COL11A1: variants seen among roughly 807,000 people sequenced by gnomAD.
COL11A1 encodes collagen alpha-1(XI) chain.
In COL11A1, 74 loss-of-function variants were observed where a neutral mutation model predicts 265.2. The ratio of observed to expected loss-of-function variants is 0.28; its 90% CI spans 0.23 to 0.34. COL11A1 has a LOEUF of 0.34. Ranked by LOEUF, COL11A1 falls within the 10% of genes least tolerant of loss-of-function variation. COL11A1 has a pLI of 1.00. For missense variants in COL11A1, 2,165 were observed against 2,263.6 expected (o/e 0.96, Z 0.88); for synonymous variants, 816 against 727.6 (o/e 1.12, Z -1.96).
chr1:102,962,506 A>G, intron 39 of COL11A1, 147 bp downstream of exon 39: 1 of 803,462 alleles, frequency 1.2e-6, no homozygotes, highest in Non-Finnish European at 2.1e-6. Context: ...GTTGAGCAAT[A>G]TCTTGGAGTA....
chr1:102,992,971 A>AT (rs200032148), intron 28 of COL11A1, among the ~76,000 whole-genome samples: 7 of 150,946 alleles, frequency 4.6e-5, no homozygotes, highest in African/African-American at 1.2e-4. Context: ...AATGTATCTT[A>AT]TTTTTTTTTC....
In COL11A1 at chr1:102,886,965, T is replaced by C. The variant is rs756511227; in HGVS notation, c.4700A>G (p.Asp1567Gly). 1.4e-5 allele frequency: 23 copies of C among 1,613,832 alleles called. No homozygotes were observed. Among genetic ancestry groups the C allele is most frequent in the South Asian group, 3.3e-5 (3 of 91,090 alleles). The change falls in exon 63 of 67, where the codon GAT becomes GGT. Residue 1567 changes from aspartate (D) to glycine (G), a missense_variant. By Grantham distance (94) the Asp-to-Gly change is moderately conservative. Coordinates refer to ENST00000370096, the MANE Select transcript of COL11A1 (RefSeq NM_001854.4). ...HTEGMQADAD[D>G]NILDYSDGME... Reference sequence around the variant, plus strand: ...TCCATCCGAGTAATCAAGAATATTATCATCTGCATCTGCTTGCATGCCTTC... The same window carrying C: ...TCCATCCGAGTAATCAAGAATATTACCATCTGCATCTGCTTGCATGCCTTC...
chr1:103,090,017 C>T (rs1282064476), intron 1 of COL11A1, among the ~76,000 whole-genome samples: 5 of 151,888 alleles, frequency 3.3e-5, no homozygotes, highest in Non-Finnish European at 5.9e-5. Flanking sequence ...CCAGCTACTC[C>T]AAAGGCTGAG....
At chr1:102,919,341 A>G (rs1217692249) in intron 49 of COL11A1, among the ~76,000 whole-genome samples, 4 of 58,432 alleles carry the variant, frequency 6.8e-5, no homozygotes, top group Admixed American at 5.8e-4. Flanking sequence ...TCAAAATATA[A>G]TAACAATCTA....
At chr1:103,080,763 C>G (rs901374432) in intron 2 of COL11A1, among the ~76,000 whole-genome samples, 9 of 151,624 alleles carry the variant, frequency 5.9e-5, no homozygotes, top group African/African-American at 1.7e-4. Context: ...TAAAAAATTT[C>G]CTCAAAAAAT....
At chr1:102,987,590 A>G in intron 30 of COL11A1, 43 bp downstream of exon 30, 5 of 1,392,790 alleles carry the variant, frequency 3.6e-6, no homozygotes, top group Non-Finnish European at 5.1e-6. Context: ...ATAATGAAAC[A>G]TCAGCTGCAA....
At chr1:102,932,169 T>C (rs1003924702) in intron 46 of COL11A1, among the ~76,000 whole-genome samples, 6 of 152,148 alleles carry the variant, frequency 3.9e-5, no homozygotes, top group Non-Finnish European at 7.3e-5. Context: ...CGTTAGTTGA[T>C]GCACTTTCTT....
At chr1:103,008,158 T>C (rs892479742) in intron 15 of COL11A1, among the ~76,000 whole-genome samples, 11 of 152,042 alleles carry the variant, frequency 7.2e-5, no homozygotes, top group African/African-American at 2.7e-4. Flanking sequence ...TGGGAAAAAA[T>C]AAACTCTCTA....
Position 102,881,728 on chromosome 1 carries a change from C to A in COL11A1, c.5009G>T (p.Ser1670Ile), listed in dbSNP as rs1313374505. The change falls in exon 65 of 67, where the codon AGT (serine) becomes ATT (isoleucine). Residue 1670 changes from serine (S) to isoleucine (I), a missense_variant. Coordinates refer to ENST00000370096, the MANE Select transcript of COL11A1 (RefSeq NM_001854.4). ...TCCCCTCTTAAATTCACTAAACCAACTTCCTGGTTTCTCCTTTGGCCATGA... is the reference window on the plus strand; with the variant it reads ...TCCCCTCTTAAATTCACTAAACCAAATTCCTGGTTTCTCCTTTGGCCATGA... ...ISSWPKEKPG[S>I]WFSEFKRGKL... The A allele has an allele frequency of 6.2e-7, 1 of 1,612,646 alleles. No individual in the cohort carries two copies. The highest frequency in any genetic ancestry group is 8.5e-7 in the Non-Finnish European group (1 of 1,179,118).
At chr1:103,055,534 G>A (rs752293239) in intron 4 of COL11A1, among the ~76,000 whole-genome samples, 1 of 152,026 alleles carries the variant, frequency 6.6e-6, no homozygotes, top group Non-Finnish European at 1.5e-5. Flanking sequence ...AGAGCAAGGA[G>A]GATTCAGACT....
chr1:102,982,723 A>G lies in COL11A1; in HGVS notation c.2556+1415T>C, dbSNP rs575942516. Among the ~76,000 whole-genome samples, 3 of 152,200 alleles carry G rather than the reference A, an allele frequency of 2.0e-5. No homozygotes were observed. In the East Asian group the frequency reaches 5.8e-4, roughly 29 times the overall value. On this transcript the variant is annotated intron_variant, in intron 31 of 66. Coordinates refer to ENST00000370096, the MANE Select transcript of COL11A1 (RefSeq NM_001854.4). Reference sequence around the variant, plus strand: ...CAAGGAAGTATTTTTGGGGAAACTCAATGAAAAAATTGTAAGACAAAGCTG... The same window carrying G: ...CAAGGAAGTATTTTTGGGGAAACTCGATGAAAAAATTGTAAGACAAAGCTG...
intron 46 of COL11A1, among the ~76,000 whole-genome samples, chr1:102,925,243 CA>C: frequency 6.6e-6 from 1 of 152,080 alleles, no homozygotes; most frequent in Non-Finnish European, 1.5e-5. Context: ...ACATGAGTTT[CA>C]AAAAAGCAGT....
chr1:103,002,589 A>G lies in COL11A1; in HGVS notation c.2044-108T>C, dbSNP rs565571887. 60 of 1,167,120 alleles carry G rather than the reference A, an allele frequency of 5.1e-5. No homozygotes were observed. In the South Asian group the frequency reaches 6.8e-4, roughly 13 times the overall value. The allele number at this position is 1,167,120 out of a possible 1,614,324, so 72.3% of individuals were successfully genotyped here. On this transcript the variant is annotated intron_variant, in intron 22 of 66. Transcript: ENST00000370096. ...ACCCACCCTCAAACAGTTTTCCCTC[A>G]TGAGATTCTGGAAAATATTTCAAAA...
intron 4 of COL11A1, among the ~76,000 whole-genome samples, chr1:103,051,804 T>C (rs1302211609): frequency 1.3e-5 from 2 of 152,180 alleles, no homozygotes; most frequent in Non-Finnish European, 2.9e-5. Flanking sequence ...TCACATTAAC[T>C]GTGTGTTTAC....
At chr1:102,914,925 A>T (rs1240498334) in intron 50 of COL11A1, 114 bp from the exon 51 acceptor site, 7 of 820,586 alleles carry the variant, frequency 8.5e-6, no homozygotes, top group East Asian at 8.2e-5. Flanking sequence ...TTTTTTTTTT[A>T]GACGGAATAT....
At chr1:103,010,495 TTTC>T (rs1394974904) in intron 14 of COL11A1, among the ~76,000 whole-genome samples, 2 of 152,134 alleles carry the variant, frequency 1.3e-5, no homozygotes, top group South Asian at 2.1e-4. Flanking sequence ...GTGTCAATAT[TTTC>T]TCTTTGCCAA....
chr1:103,054,977 CA>C (rs1670128754), intron 4 of COL11A1, among the ~76,000 whole-genome samples: 1 of 152,076 alleles, frequency 6.6e-6, no homozygotes. Context: ...AAGTATTTTA[CA>C]AACATTAATT....
At chr1:102,904,864 C>T (rs576833697) in intron 54 of COL11A1, among the ~76,000 whole-genome samples, 2 of 152,180 alleles carry the variant, frequency 1.3e-5, no homozygotes, top group South Asian at 4.2e-4. Context: ...ACCCAGCCAT[C>T]CCATTACTGG....
intron 4 of COL11A1, among the ~76,000 whole-genome samples, chr1:103,054,264 G>C (rs1039807505): frequency 1.3e-5 from 2 of 152,096 alleles, no homozygotes; most frequent in African/African-American, 4.8e-5. Flanking sequence ...TAATTAAAAA[G>C]CCACAGCTAC....
Sources: gnomAD v4.1 joint callset for allele counts (sites outside exome capture counted in the v4.1 genomes callset) on GRCh38, gnomAD v4.1.1 for gene constraint, MANE v1.5 for transcripts, NCBI Gene and HGNC (gene_info 2026-07-23, HGNC 2026-07-21) for gene names.